Variants in NME7 observed in about 807,000 individuals in gnomAD.
The protein encoded by NME7 is NME/NM23 family member 7, also known as nucleoside diphosphate kinase 7.
NME7 carries 41 observed loss-of-function variants against 49.1 expected under a neutral mutation model. The observed-to-expected ratio is 0.83, with a 90% CI of 0.65 to 1.08. The LOEUF (loss-of-function observed/expected upper bound fraction) is 1.08. NME7 is among the 50% of genes least tolerant of loss of function. NME7 has a pLI of 0.00. For missense variants in NME7, 423 were observed against 463.4 expected, an observed-to-expected ratio of 0.91 and a Z score of 0.80; for synonymous variants, 139 against 150.6, an observed-to-expected ratio of 0.92 and a Z score of 0.56.
chr1:169,200,377 G>T (rs1047641784), intron 10 of NME7, among the ~76,000 whole-genome samples: 1 of 152,078 alleles, frequency 6.6e-6, no homozygotes, highest in Non-Finnish European at 1.5e-5. Context: ...ATTTAGAATT[G>T]CTTGGAGCAT....
intron 7 of NME7, among the ~76,000 whole-genome samples, chr1:169,280,453 T>A (rs1425149602): frequency 6.6e-6 from 1 of 151,700 alleles, no homozygotes; most frequent in East Asian, 2.1e-4. Context: ...AGAAACTCTT[T>A]AGTTTAATTA....
intron 7 of NME7, among the ~76,000 whole-genome samples, chr1:169,259,518 T>C (rs1649095800): frequency 7.5e-6 from 1 of 133,970 alleles, no homozygotes. Context: ...AATCTCTGGA[T>C]GGTAGGAGTA....
rs1449366450 is a variant in NME7, at chr1:169,255,923, C to T, written c.755-18236G>A. ...CTCTTCTGGCTTGTAGGGTTTCTGCCGAGAGATCCACTGTTAGTCTGATGG... is the reference window on the plus strand; with the variant it reads ...CTCTTCTGGCTTGTAGGGTTTCTGCTGAGAGATCCACTGTTAGTCTGATGG... On this transcript the variant is annotated intron_variant, in intron 7 of 11. Transcript: ENST00000367811. Among the ~76,000 whole-genome samples the T allele has an allele frequency of 6.8e-5, 9 of 133,168 alleles. 3 individuals are homozygous for T. The highest frequency in any genetic ancestry group is 5.2e-4 in the Admixed American group (7 of 13,574). 87.4% of individuals were successfully genotyped at this position (133,168 alleles called of 152,430 possible). A position where few individuals can be genotyped will look rare whatever the true frequency, so the allele number is the denominator to read the frequency against.
intron 7 of NME7, among the ~76,000 whole-genome samples, chr1:169,276,760 G>T (rs1486804689): frequency 8.2e-5 from 11 of 133,664 alleles, no homozygotes; most frequent in Admixed American, 7.4e-4. Flanking sequence ...TGCTTTTCTA[G>T]TTCTTTTAAT....
chr1:169,170,521 T>C (rs1340564500), intron 10 of NME7, among the ~76,000 whole-genome samples: 1 of 152,360 alleles, frequency 6.6e-6, no homozygotes, highest in East Asian at 1.9e-4. Flanking sequence ...GAAAAACATT[T>C]TGATAAAGTA....
intron 1 of NME7, among the ~76,000 whole-genome samples, chr1:169,341,463 C>A (rs1367902283): frequency 6.6e-6 from 1 of 152,164 alleles, no homozygotes; most frequent in African/African-American, 2.4e-5. Flanking sequence ...TAGGGCAATG[C>A]AGAGGGAAAA....
intron 7 of NME7, among the ~76,000 whole-genome samples, chr1:169,238,683 T>C (rs901039572): frequency 2.0e-5 from 3 of 152,002 alleles, no homozygotes. Flanking sequence ...GTTTCTCAAA[T>C]GATACATCTG....
At chr1:169,191,530 T>C (rs190731861) in intron 10 of NME7, among the ~76,000 whole-genome samples, 2 of 152,296 alleles carry the variant, frequency 1.3e-5, no homozygotes, top group Admixed American at 1.3e-4. Context: ...TAGAAAAAGT[T>C]TGTATTATTT....
At chr1:169,294,548 G>A (rs535015657) in intron 6 of NME7, among the ~76,000 whole-genome samples, 2 of 152,236 alleles carry the variant, frequency 1.3e-5, no homozygotes, top group African/African-American at 2.4e-5. Context: ...TAAGTTTGGG[G>A]CTGTGATGTT....
At chr1:169,241,489 A>G (rs1199255472) in intron 7 of NME7, among the ~76,000 whole-genome samples, 1 of 152,074 alleles carries the variant, frequency 6.6e-6, no homozygotes, top group African/African-American at 2.4e-5. Flanking sequence ...TAATCTAAAT[A>G]TGAAATTTAA....
In NME7 at chr1:169,190,709, G is replaced by C. The variant is rs1431117537; in HGVS notation, c.991-21155C>G. 7 of 428,162 alleles carry C rather than the reference G, an allele frequency of 1.6e-5. No homozygotes were observed. In the Admixed American group the frequency reaches 1.8e-4, roughly 11 times the overall value. 26.5% of individuals were successfully genotyped at this position (428,162 alleles called of 1,614,324 possible). ...GAGAAATTGGAGATTTGGGGGTCTGGGGAGAGAGGCAATATAAAAAAAGTG... is the reference window on the plus strand; with the variant it reads ...GAGAAATTGGAGATTTGGGGGTCTGCGGAGAGAGGCAATATAAAAAAAGTG... On this transcript the variant is annotated intron_variant, in intron 10 of 11. Coordinates refer to ENST00000367811, the MANE Select transcript of NME7 (RefSeq NM_013330.5).
chr1:169,147,887 T>C (rs893552822), intron 11 of NME7, among the ~76,000 whole-genome samples: 1 of 152,330 alleles, frequency 6.6e-6, no homozygotes, highest in African/African-American at 2.4e-5. Context: ...GTGAGAAGGA[T>C]ATAGCGATTG....
At position 169,323,196 on chromosome 1, in the gene NME7, T is replaced by C; in HGVS notation, c.199A>G (p.Asn67Asp). ...LEDLFIGNKVNVFSRQLVLID... is the reference protein window; with the variant it reads ...LEDLFIGNKVDVFSRQLVLID... The stretch of plus-strand genomic sequence containing the variant: ...AATACCAGTTGTCGAGAAAAGACAT[T>C]CACTTTGTTGCCTATAAATAAATCT... Residue 67 changes from asparagine (N) to aspartate (D), a missense_variant, in exon 3 of 12, where the codon AAT becomes GAT. Transcript: ENST00000367811. 6.2e-7 allele frequency: 1 copy of C among 1,608,564 alleles called. No individual in the cohort carries two copies. Among genetic ancestry groups the C allele is most frequent in the Non-Finnish European group, 8.5e-7 (1 of 1,177,552 alleles).
At chr1:169,201,960 G>A (rs1443798729) in intron 10 of NME7, among the ~76,000 whole-genome samples, 1 of 152,118 alleles carries the variant, frequency 6.6e-6, no homozygotes, top group Non-Finnish European at 1.5e-5. Context: ...AGGCAGGTAG[G>A]GAAATGGTGT....
chr1:169,154,172 C>T (rs1658996413), intron 11 of NME7, among the ~76,000 whole-genome samples: 1 of 151,786 alleles, frequency 6.6e-6, no homozygotes, highest in Non-Finnish European at 1.5e-5. Context: ...TGCCACTACA[C>T]CTGGCTAATT....
intron 7 of NME7, among the ~76,000 whole-genome samples, chr1:169,271,043 C>T (rs1649474044): frequency 7.6e-6 from 1 of 131,482 alleles, no homozygotes; most frequent in South Asian, 2.3e-4. Context: ...AACCTGAGTC[C>T]TAAAATGACA....
intron 1 of NME7, among the ~76,000 whole-genome samples, chr1:169,333,801 T>C (rs1387248265): frequency 6.6e-6 from 1 of 152,208 alleles, no homozygotes; most frequent in Admixed American, 6.5e-5. Context: ...AAGCAGCCTA[T>C]ATAAGCTGCA....
chr1:169,227,920 C>T (rs1302066321), intron 10 of NME7, among the ~76,000 whole-genome samples: 5 of 151,926 alleles, frequency 3.3e-5, no homozygotes, highest in Non-Finnish European at 1.5e-5. Flanking sequence ...TGGAAATTAG[C>T]CACTTACAGT....
In NME7 at chr1:169,309,031, G is replaced by C. The variant is rs541833373; in HGVS notation, c.389+939C>G. Among the ~76,000 whole-genome samples, 5 of 152,192 alleles carry C rather than the reference G, an allele frequency of 3.3e-5. No homozygotes were observed. The East Asian group carries it at 9.7e-4, about 29-fold the overall frequency. On this transcript the variant is annotated intron_variant, in intron 4 of 11. Coordinates refer to ENST00000367811, the MANE Select transcript of NME7 (RefSeq NM_013330.5). Reference sequence around the variant, plus strand: ...ATTTCCTCTATTAATTTTATACAGTGTGTTATCCTTATATATTAAGAAATG... The same window carrying C: ...ATTTCCTCTATTAATTTTATACAGTCTGTTATCCTTATATATTAAGAAATG...
Sources: gnomAD v4.1 joint callset for allele counts (sites outside exome capture counted in the v4.1 genomes callset) on GRCh38, gnomAD v4.1.1 for gene constraint, MANE v1.5 for transcripts, NCBI Gene and HGNC (gene_info 2026-07-23, HGNC 2026-07-21) for gene names.